The following SETD2 variants were observed in gnomAD, a reference collection of about 807,000 sequenced individuals.
SETD2 encodes SET domain containing 2, histone lysine methyltransferase, also known as histone-lysine N-methyltransferase SETD2.
Under a neutral mutation model 242.1 loss-of-function variants are expected in SETD2, and 31 were observed. The ratio of observed to expected loss-of-function variants is 0.13; its 90% CI spans 0.10 to 0.17. The LOEUF (loss-of-function observed/expected upper bound fraction) is 0.17. Among genes scored for constraint, SETD2 ranks in the 10% least tolerant of loss-of-function variants. The pLI, the probability that SETD2 is intolerant of heterozygous loss-of-function variation, is 1.00. For synonymous variants in SETD2, 1,006 were observed against 1,066.5 expected (o/e 0.94, Z 1.11); for missense variants, 2,481 against 3,046.3 (o/e 0.81, Z 4.37).
At chr3:47,131,093 T>C (rs929853672) in intron 1 of SETD2, among the ~76,000 whole-genome samples, 30 of 152,148 alleles carry the variant, frequency 2.0e-4, no homozygotes, top group African/African-American at 7.0e-4. Flanking sequence ...TTAATAAATA[T>C]AAACAAGTTG....
intron 18 of SETD2, among the ~76,000 whole-genome samples, chr3:47,035,794 GAT>G (rs1479296431): frequency 2.0e-5 from 3 of 152,156 alleles, no homozygotes; most frequent in African/African-American, 7.2e-5. Flanking sequence ...TTTTTCAAAA[GAT>G]ATAACTAACA....
intron 12 of SETD2, chr3:47,081,040 T>C: frequency 1.0e-6 from 1 of 986,976 alleles, no homozygotes; most frequent in Non-Finnish European, 1.2e-6. Context: ...AGGAGACACA[T>C]GGTCAGCTGG....
At chr3:47,140,789 T>A (rs749886478) in intron 1 of SETD2, among the ~76,000 whole-genome samples, 3 of 152,102 alleles carry the variant, frequency 2.0e-5, no homozygotes, top group African/African-American at 4.8e-5. Context: ...TGAATCCCAG[T>A]GGGGTGGAGG....
At chr3:47,101,680 G>A in intron 7 of SETD2, 125 bp from the exon 8 acceptor site, 1 of 540,966 alleles carries the variant, frequency 1.8e-6, no homozygotes, top group East Asian at 2.9e-5. Context: ...ATGCAAGTGG[G>A]TCTTTAGGCA....
intron 9 of SETD2, among the ~76,000 whole-genome samples, chr3:47,091,091 TAA>T (rs1559709803): frequency 1.3e-5 from 2 of 152,232 alleles, no homozygotes. Flanking sequence ...CAATACCACT[TAA>T]GTTTTTGAGT....
rs200361418 is a variant in SETD2 at position 47,037,812 on chromosome 3, C to A, written c.7239-35G>T. 6.2e-6 allele frequency: 9 copies of A among 1,462,914 alleles called. No homozygotes were observed. The African/African-American group carries it at 1.2e-4, about 20-fold the overall frequency. The allele number at this position is 1,462,914 out of a possible 1,614,324, so 90.6% of individuals were successfully genotyped here. A position where few individuals can be genotyped will look rare whatever the true frequency, so the allele number is the denominator to read the frequency against. On this transcript the variant is annotated intron_variant, in intron 17 of 20. Coordinates refer to ENST00000409792, the MANE Select transcript of SETD2 (RefSeq NM_014159.7). ...GACAAAAACAGCCATGCTGTCAGGG[C>A]TAGGAAACAGAGAATCCTGACATAA...
At chr3:47,109,269 T>C (rs1426660694) in intron 5 of SETD2, among the ~76,000 whole-genome samples, 1 of 152,152 alleles carries the variant, frequency 6.6e-6, no homozygotes, top group Non-Finnish European at 1.5e-5. Flanking sequence ...AACAAAATGT[T>C]AATAACTATA....
At chr3:47,097,044 C>G (rs954528442) in intron 9 of SETD2, among the ~76,000 whole-genome samples, 2 of 152,032 alleles carry the variant, frequency 1.3e-5, no homozygotes, top group Non-Finnish European at 2.9e-5. Flanking sequence ...CTCTCATCAC[C>G]TCCCTCATGT....
chr3:47,064,755 A>T, intron 13 of SETD2: 1 of 163,680 alleles, frequency 6.1e-6, no homozygotes, highest in East Asian at 1.8e-4. Context: ...GCTTATATAT[A>T]TTATATATAT....
intron 5 of SETD2, among the ~76,000 whole-genome samples, chr3:47,113,164 C>T (rs751174301): frequency 6.6e-6 from 1 of 150,868 alleles, no homozygotes; most frequent in African/African-American, 2.4e-5. Flanking sequence ...AATGCAGTGG[C>T]GTGATCACAG....
chr3:47,121,479 C>A lies in SETD2; in HGVS notation c.3157G>T (p.Asp1053Tyr), dbSNP rs2106651636. 3 of 1,613,866 alleles carry A rather than the reference C, an allele frequency of 1.9e-6. No homozygotes were observed. Among genetic ancestry groups the A allele is most frequent in the Non-Finnish European group, 2.5e-6 (3 of 1,180,008 alleles). The change falls in exon 3 of 21, where the codon GAT (aspartate) becomes TAT (tyrosine). Residue 1053 changes from aspartate to tyrosine, a missense_variant. Around this residue, in one of 17 missense-constraint regions of SETD2, gnomAD observed 1,300 missense variants for 1,259.2 expected, o/e 1.03. Transcript: ENST00000409792. The part of the protein sequence containing the change: ...ESSNDESDSE[D>Y]TDSDDSSIPR... Reference sequence around the variant, plus strand: ...ATACTGCTATCATCCGAATCTGTATCTTCTGAATCACTTTCATCATTTGAA... The same window carrying A: ...ATACTGCTATCATCCGAATCTGTATATTCTGAATCACTTTCATCATTTGAA...
rs1301470889 is a variant in SETD2, at chr3:47,016,632, C to CTG, written c.*459_*460dup. On this transcript the variant is annotated 3_prime_UTR_variant, in exon 21 of 21. Transcript: ENST00000409792. ...CTTAAACTGTCCTTACAAAGTCTTC[C>CTG]TGTGATCCTAGCATGTAGAGGCTAA... 4.3e-6 allele frequency: 1 copy of CTG among 234,958 alleles called. No individual in the cohort carries two copies. Among genetic ancestry groups the CTG allele is most frequent in the East Asian group, 6.0e-5 (1 of 16,652 alleles). 14.6% of individuals were successfully genotyped at this position (234,958 alleles called of 1,614,324 possible).
In SETD2 at chr3:47,116,689, T is replaced by C. The variant is rs745734582; in HGVS notation, c.4520A>G (p.Asp1507Gly). 5 of 1,606,802 alleles carry C rather than the reference T, an allele frequency of 3.1e-6. No individual in the cohort carries two copies. The East Asian group carries it at 1.1e-4, about 36-fold the overall frequency. Residue 1507 changes from aspartate to glycine, a missense_variant, in exon 4 of 21, where the codon GAT (aspartate) becomes GGT (glycine). By Grantham distance (94) the Asp-to-Gly change is moderately conservative. Transcript: ENST00000409792. ...TGCTATTTCACCTTGAGCTCTTTCA[T>C]CTTTAGAAAGAGGTGTACACTCACA... ...MQCECTPLSK[D>G]ERAQGEIACG...
At chr3:47,090,760 G>A (rs2041771422) in intron 9 of SETD2, among the ~76,000 whole-genome samples, 1 of 152,328 alleles carries the variant, frequency 6.6e-6, no homozygotes, top group African/African-American at 2.4e-5. Context: ...AGACTAAGGA[G>A]AAGACAGGTA....
At chr3:47,157,615 T>C (rs2044156132) in intron 1 of SETD2, 2 of 449,428 alleles carry the variant, frequency 4.5e-6, no homozygotes, top group African/African-American at 2.0e-5. Flanking sequence ...GGCTCATGCC[T>C]GTAATCCCAG....
chr3:47,083,628 C>T (rs2041411359), intron 12 of SETD2, 92 bp downstream of exon 12: 1 of 1,171,726 alleles, frequency 8.5e-7, no homozygotes, highest in African/African-American at 1.5e-5. Context: ...CAGAAATATG[C>T]ATGGCTAAAA....
chr3:47,114,202 C>T (rs559010698), intron 4 of SETD2, among the ~76,000 whole-genome samples, 198 bp from the exon 5 acceptor site: 2 of 152,280 alleles, frequency 1.3e-5, no homozygotes, highest in Non-Finnish European at 2.9e-5. Context: ...TACATTGTTA[C>T]TTAAACAGAT....
intron 18 of SETD2, among the ~76,000 whole-genome samples, chr3:47,036,297 G>C (rs1367981270): frequency 2.0e-5 from 3 of 152,152 alleles, no homozygotes; most frequent in East Asian, 3.9e-4. Context: ...GCTCATGCCT[G>C]TAATCCCAAC....
chr3:47,021,914 G>A (rs138245418), intron 18 of SETD2, among the ~76,000 whole-genome samples: 1 of 151,334 alleles, frequency 6.6e-6, no homozygotes, highest in Non-Finnish European at 1.5e-5. Context: ...TTTGGGAGGC[G>A]GAGGAGGGCG....
Sources: gnomAD v4.1 joint callset for allele counts (sites outside exome capture counted in the v4.1 genomes callset) on GRCh38, gnomAD v4.1.1 for gene constraint, gnomAD v4.1.1 regional missense constraint, MANE v1.5 for transcripts, NCBI Gene and HGNC (gene_info 2026-07-23, HGNC 2026-07-21) for gene names.